Variants in TENM4 observed in about 807,000 individuals in gnomAD.
The protein encoded by TENM4 is teneurin transmembrane protein 4.
In TENM4, 82 loss-of-function variants were observed where a neutral mutation model predicts 243.3. That is an observed-to-expected ratio of 0.34 (90% confidence interval 0.28 to 0.40). TENM4 has a LOEUF of 0.40. Ranked by LOEUF, TENM4 falls within the 10% of genes least tolerant of loss-of-function variation. TENM4 has a pLI of 1.00. For synonymous variants in TENM4, 1,412 were observed against 1,456.3 expected (o/e 0.97, Z 0.69); for missense variants, 3,138 against 3,673.3 (o/e 0.85, Z 3.77).
intron 4 of TENM4, among the ~76,000 whole-genome samples, chr11:79,143,343 G>A (rs1591312994): frequency 2.6e-5 from 4 of 152,148 alleles, no homozygotes; most frequent in Admixed American, 2.6e-4. Flanking sequence ...ATACTATGCA[G>A]CCATAAAAAA....
Position 78,671,891 on chromosome 11 carries a change from C to G in TENM4, c.5793+142G>C. 6.3e-6 allele frequency: 7 copies of G among 1,115,606 alleles called. No homozygotes were observed. In the South Asian group the frequency reaches 1.1e-4, roughly 18 times the overall value. 69.1% of individuals were successfully genotyped at this position (1,115,606 alleles called of 1,614,324 possible). A position where few individuals can be genotyped will look rare whatever the true frequency, so the allele number is the denominator to read the frequency against. On this transcript the variant is annotated intron_variant, in intron 31 of 33. Transcript: ENST00000278550. ...CCTGATGCCTCTTGGGACCCCATGC[C>G]CTCTGTGGCAGACTTTCCTGAACAT...
chr11:78,987,242 T>C (rs649931), intron 6 of TENM4, among the ~76,000 whole-genome samples: 135,212 of 152,160 alleles, frequency 0.89, 60,605 homozygotes, highest in Non-Finnish European at 0.95. Flanking sequence ...TTTCCAAATG[T>C]CTATCAACAG....
intron 1 of TENM4, among the ~76,000 whole-genome samples, chr11:79,327,997 C>T (rs1477942980): frequency 1.3e-5 from 2 of 152,130 alleles, no homozygotes; most frequent in Non-Finnish European, 2.9e-5. Context: ...CTTAAGGGAC[C>T]CAAGGGTACA....
intron 12 of TENM4, among the ~76,000 whole-genome samples, chr11:78,833,641 T>G (rs901834258): frequency 6.6e-6 from 1 of 152,210 alleles, no homozygotes; most frequent in Non-Finnish European, 1.5e-5. Context: ...TGACTTCTTA[T>G]CACCTCCTTC....
At chr11:78,677,356 G>C (rs1053984784) in intron 29 of TENM4, among the ~76,000 whole-genome samples, 2 of 150,418 alleles carry the variant, frequency 1.3e-5, no homozygotes, top group Non-Finnish European at 2.9e-5. Flanking sequence ...CTCGGCCCAA[G>C]CAATCCTCCA....
rs201311854 is a variant in TENM4, at chr11:78,661,471, G to A, written c.7529C>T (p.Thr2510Met). 42 of 1,610,032 alleles carry A rather than the reference G, an allele frequency of 2.6e-5. No individual in the cohort carries two copies. Among genetic ancestry groups the A allele is most frequent in the East Asian group, 8.9e-5 (4 of 44,844 alleles). ...SYELIHTQMKTQEWDNSKSIL... is the reference protein window; with the variant it reads ...SYELIHTQMKMQEWDNSKSIL... ...TACCTTGCTGTTGTCCCACTCCTGC[G>A]TTTTCATCTGTGTGTGGATGAGCTC... is the stretch of plus-strand genomic sequence containing the variant. The change falls in exon 33 of 34, where the codon ACG (threonine) becomes ATG (methionine). Residue 2510 changes from threonine to methionine, a missense_variant. By Grantham distance (81) the Thr-to-Met change is moderately conservative (BLOSUM62 -1). Coordinates refer to ENST00000278550, the MANE Select transcript of TENM4 (RefSeq NM_001098816.3).
At chr11:79,170,196 G>T (rs1379043383) in intron 3 of TENM4, among the ~76,000 whole-genome samples, 1 of 152,100 alleles carries the variant, frequency 6.6e-6, no homozygotes, top group Non-Finnish European at 1.5e-5. Context: ...GCACTGAGAA[G>T]ACTCCTTTCC....
At chr11:79,347,560 TTGG>T (rs537742885) in intron 1 of TENM4, among the ~76,000 whole-genome samples, 82 of 152,144 alleles carry the variant, frequency 5.4e-4, no homozygotes, top group Admixed American at 4.8e-3. Context: ...TCTTGGCACT[TTGG>T]TATTACACTG....
At chr11:78,941,913 C>G (rs1856904453) in intron 6 of TENM4, among the ~76,000 whole-genome samples, 4 of 151,934 alleles carry the variant, frequency 2.6e-5, no homozygotes, top group Non-Finnish European at 5.9e-5. Flanking sequence ...TCTTTGGCTC[C>G]CATGACAGTC....
At chr11:78,671,006 T>C (rs1231542814) in intron 31 of TENM4, among the ~76,000 whole-genome samples, 1 of 152,258 alleles carries the variant, frequency 6.6e-6, no homozygotes, top group Non-Finnish European at 1.5e-5. Context: ...CCAATCTTCC[T>C]ATTCAGGCAA....
chr11:78,932,131 A>G (rs1856682020), intron 6 of TENM4, among the ~76,000 whole-genome samples: 1 of 152,244 alleles, frequency 6.6e-6, no homozygotes, highest in African/African-American at 2.4e-5. Context: ...ATTACTGTGA[A>G]GTAACTAGAT....
chr11:79,421,259 C>A (rs897384136), intron 1 of TENM4, among the ~76,000 whole-genome samples: 22 of 152,052 alleles, frequency 1.4e-4, no homozygotes, highest in Admixed American at 1.3e-3. Context: ...AGTCACCCCC[C>A]CTCAAAAAAA....
At chr11:79,014,187 A>G (rs1296718452) in intron 6 of TENM4, among the ~76,000 whole-genome samples, 1 of 152,196 alleles carries the variant, frequency 6.6e-6, no homozygotes, top group Non-Finnish European at 1.5e-5. Flanking sequence ...CATTTCGACT[A>G]TAACAAAAAG....
intron 4 of TENM4, among the ~76,000 whole-genome samples, chr11:79,074,694 A>G (rs755484252): frequency 2.0e-5 from 3 of 152,132 alleles, no homozygotes; most frequent in Non-Finnish European, 4.4e-5. Context: ...TGTTGGGTGG[A>G]CTCACCTAAG....
intron 6 of TENM4, among the ~76,000 whole-genome samples, chr11:78,980,687 C>T (rs1857772568): frequency 6.6e-6 from 1 of 152,148 alleles, no homozygotes; most frequent in Non-Finnish European, 1.5e-5. Context: ...AGCTGTACAA[C>T]CGTGGGCAAA....
chr11:79,080,422 G>T (rs1260715397), intron 4 of TENM4, among the ~76,000 whole-genome samples: 4 of 152,252 alleles, frequency 2.6e-5, no homozygotes, highest in Admixed American at 6.5e-5. Context: ...GGTGGGGTGG[G>T]CAGCAGAGGC....
chr11:79,195,459 G>T (rs1863605065), intron 3 of TENM4, among the ~76,000 whole-genome samples: 1 of 152,120 alleles, frequency 6.6e-6, no homozygotes, highest in Non-Finnish European at 1.5e-5. Flanking sequence ...CAAAGCCAAA[G>T]AGGTGGAGTT....
chr11:78,734,475 CT>C (rs745426294), intron 20 of TENM4, among the ~76,000 whole-genome samples: 2,102 of 140,488 alleles, frequency 0.015, 12 homozygotes, highest in African/African-American at 0.03. Context: ...ACTGTTAGAA[CT>C]TTTTTTTTTT....
At chr11:79,027,414 C>G (rs1859108347) in intron 6 of TENM4, among the ~76,000 whole-genome samples, 1 of 152,138 alleles carries the variant, frequency 6.6e-6, no homozygotes, top group South Asian at 2.1e-4. Flanking sequence ...GTGGCAGAGC[C>G]AGGATAAGAT....
Sources: allele counts gnomAD v4.1 joint callset (sites outside exome capture counted in the v4.1 genomes callset), GRCh38; gene constraint gnomAD v4.1.1; transcripts MANE v1.5; gene names NCBI Gene and HGNC (gene_info 2026-07-23, HGNC 2026-07-21).